ZKSCAN7: variants seen among roughly 807,000 people sequenced by gnomAD.
ZKSCAN7 encodes the protein zinc finger protein with KRAB and SCAN domains 7.
ZKSCAN7 carries 38 observed loss-of-function variants against 65.3 expected under a neutral mutation model. The observed-to-expected ratio is 0.58, with a 90% CI of 0.45 to 0.76. The LOEUF (loss-of-function observed/expected upper bound fraction) is 0.76, where lower values mean the gene tolerates loss of function less well. ZKSCAN7 is among the 30% of genes least tolerant of loss of function. The pLI, the probability that ZKSCAN7 is intolerant of heterozygous loss-of-function variation, is 0.00. For missense variants in ZKSCAN7, 815 were observed against 913.3 expected (o/e 0.89, Z 1.39); for synonymous variants, 321 against 321.0 (o/e 1.00, Z 0.00).
At chr3:44,580,284 C>T in intron 5 of ZKSCAN7, 9 of 1,613,994 alleles carry the variant, frequency 5.6e-6, no homozygotes, top group Non-Finnish European at 7.6e-6. Flanking sequence ...GCGGTCGCTA[C>T]TCATGGCGCT....
rs1402419703 is a variant in ZKSCAN7, at chr3:44,570,603, AT to A, written c.1494del (p.Asn498LysfsTer121). The A allele has an allele frequency of 6.2e-7, 1 of 1,614,122 alleles. No individual in the cohort carries two copies. Among genetic ancestry groups the A allele is most frequent in the Non-Finnish European group, 8.5e-7 (1 of 1,180,016 alleles). On this transcript the variant is annotated frameshift_variant, in exon 6 of 6. Transcript: ENST00000426540. LOFTEE classifies it high-confidence loss of function. ...ACTGGGGAGAAACCTTATGAATGCA[AT>A]GAGTGTGGAGAGGCATTCATTCGAA... is the stretch of plus-strand genomic sequence containing the variant. ...THTGEKPYEC[N>X]ECGEAFIRSK...
At chr3:44,557,977 T>A (rs1018939112) in intron 2 of ZKSCAN7, among the ~76,000 whole-genome samples, 11 of 152,202 alleles carry the variant, frequency 7.2e-5, no homozygotes, top group Non-Finnish European at 1.5e-4. Context: ...TCTTTAATTC[T>A]AATTTAAGTT....
rs781430778 is a variant in ZKSCAN7 at position 44,568,308 on chromosome 3, A to T, written c.686A>T (p.Asp229Val). 2 of 1,612,306 alleles carry T rather than the reference A, an allele frequency of 1.2e-6. No individual in the cohort carries two copies. Among genetic ancestry groups the T allele is most frequent in the Non-Finnish European group, 1.7e-6 (2 of 1,179,288 alleles). The change falls in exon 5 of 6, where the codon GAT becomes GTT. Residue 229 changes from aspartate (D) to valine (V), a missense_variant and splice_region_variant. Around this residue, in one of 3 missense-constraint regions of ZKSCAN7, gnomAD observed 578 missense variants for 629.5 expected, o/e 0.92. Coordinates refer to ENST00000426540, the MANE Select transcript of ZKSCAN7 (RefSeq NM_001288590.2). ...AGCGATTGGAGCTTGTCATTCCAGG[A>T]TACTGTGGCATATGAGGACCTATCT... ...ATVLRMVRPQ[D>V]TVAYEDLSVD...
chr3:44,575,211 G>A (rs548515318), downstream of ZKSCAN7, among the ~76,000 whole-genome samples: 1 of 152,200 alleles, frequency 6.6e-6, no homozygotes, highest in Non-Finnish European at 1.5e-5. Context: ...CAGGAGGATT[G>A]CCCGAGCCTG....
chr3:44,560,644 G>A (rs1699447207), intron 2 of ZKSCAN7, among the ~76,000 whole-genome samples: 1 of 151,724 alleles, frequency 6.6e-6, no homozygotes, highest in African/African-American at 2.4e-5. Context: ...GAGTAGCTGG[G>A]ACTACAGGTG....
intron 5 of ZKSCAN7, chr3:44,580,980 A>G (rs1700064524): frequency 1.2e-6 from 2 of 1,611,578 alleles, no homozygotes; most frequent in Non-Finnish European, 8.5e-7. Flanking sequence ...CTTGTTGAAG[A>G]TGTTGGCCTG....
At position 44,558,853 on chromosome 3, in the gene ZKSCAN7, C is replaced by T. The variant is rs1699379974; in HGVS notation, c.423+1383C>T. 2.2e-5 allele frequency among the ~76,000 whole-genome samples: 3 copies of T among 137,352 alleles called. No individual in the cohort carries two copies. In the South Asian group the frequency reaches 7.2e-4, roughly 33 times the overall value. 90.1% of individuals were successfully genotyped at this position (137,352 alleles called of 152,430 possible). A position where few individuals can be genotyped will look rare whatever the true frequency, so the allele number is the denominator to read the frequency against. On this transcript the variant is annotated intron_variant, in intron 2 of 5. Coordinates refer to ENST00000426540, the MANE Select transcript of ZKSCAN7 (RefSeq NM_001288590.2). ...AGAATGCAGTGGCATGAACATGGCT[C>T]ACTGCAAGCTCAGCCTCCTGGCTCA...
chr3:44,581,706 G>T (rs1367956422), intron 5 of ZKSCAN7, among the ~76,000 whole-genome samples: 1 of 152,172 alleles, frequency 6.6e-6, no homozygotes, highest in Non-Finnish European at 1.5e-5. Flanking sequence ...GACAGTTTAG[G>T]TGGTGGTCAG....
chr3:44,572,345 T>A (rs960925407), downstream of ZKSCAN7, among the ~76,000 whole-genome samples: 264 of 91,356 alleles, frequency 2.9e-3, 2 homozygotes, highest in Non-Finnish European at 3.7e-3. Flanking sequence ...GCGAATGGAT[T>A]TTGTGTGTGT....
In ZKSCAN7 at chr3:44,571,812, C is replaced by G. The variant is rs1398543530; in HGVS notation, c.*437C>G. ...TGGCCCTCCCCATCTACTCTTTAAA[C>G]TTTAATCTATAACTTTTCATCAGTT... On this transcript the variant is annotated 3_prime_UTR_variant, in exon 6 of 6. Coordinates refer to ENST00000426540, the MANE Select transcript of ZKSCAN7 (RefSeq NM_001288590.2). 3.0e-6 allele frequency: 3 copies of G among 996,480 alleles called. No homozygotes were observed. Among genetic ancestry groups the G allele is most frequent in the African/African-American group, 1.7e-5 (1 of 57,430 alleles). The allele number at this position is 996,480 out of a possible 1,614,324, so 61.7% of individuals were successfully genotyped here. A position where few individuals can be genotyped will look rare whatever the true frequency, so the allele number is the denominator to read the frequency against.
At chr3:44,579,434 C>T (rs967625949) in intron 5 of ZKSCAN7, among the ~76,000 whole-genome samples, 1 of 152,222 alleles carries the variant, frequency 6.6e-6, no homozygotes, top group Non-Finnish European at 1.5e-5. Context: ...CTCTCGCCTC[C>T]GCTCCCACGT....
chr3:44,580,909 T>A, intron 5 of ZKSCAN7: 1 of 1,613,420 alleles, frequency 6.2e-7, no homozygotes, highest in Non-Finnish European at 8.5e-7. Flanking sequence ...TTTGCCTGCG[T>A]CAGGTCCTCG....
At chr3:44,557,546 C>T (rs1303395534) in intron 2 of ZKSCAN7, 76 bp downstream of exon 2, 4 of 1,589,430 alleles carry the variant, frequency 2.5e-6, no homozygotes, top group Non-Finnish European at 3.4e-6. Flanking sequence ...GCATTCTCCA[C>T]TTCCCAGGCC....
Position 44,579,962 on chromosome 3 carries a change from T to C in ZKSCAN7, c.812-3010T>C, listed in dbSNP as rs184114232. On this transcript the variant is annotated intron_variant, in intron 5 of 5. Transcript: ENST00000341840. ...TGGAGACGGGGGAAGCCGAGGCGTC[T>C]GGGAGAGGAGCTTGGGGGGGGGCTT... The C allele has an allele frequency of 1.8e-5, 24 of 1,361,386 alleles. No homozygotes were observed. In the African/African-American group the frequency reaches 2.3e-4, roughly 13 times the overall value. 84.3% of individuals were successfully genotyped at this position (1,361,386 alleles called of 1,614,324 possible).
At chr3:44,575,821 G>A (rs978368668), downstream of ZKSCAN7, among the ~76,000 whole-genome samples, 11 of 152,006 alleles carry the variant, frequency 7.2e-5, no homozygotes, top group Admixed American at 1.3e-4. Flanking sequence ...CAGGTGATCC[G>A]CCCGCCTCGG....
intron 4 of ZKSCAN7, 56 bp from the exon 5 acceptor site, chr3:44,568,251 T>C (rs1314010579): frequency 6.3e-7 from 1 of 1,590,660 alleles, no homozygotes; most frequent in East Asian, 2.2e-5. Flanking sequence ...GTACCCCTGA[T>C]GACTCTGCCC....
downstream of ZKSCAN7, among the ~76,000 whole-genome samples, chr3:44,573,583 G>A (rs1214164170): frequency 2.0e-5 from 3 of 152,156 alleles, no homozygotes; most frequent in African/African-American, 7.2e-5. Context: ...TATTTAGTAT[G>A]TGTTTCCATT....
intron 5 of ZKSCAN7, chr3:44,582,839 G>T: frequency 2.9e-6 from 1 of 341,142 alleles, no homozygotes; most frequent in Non-Finnish European, 5.9e-6. Flanking sequence ...CCACCCAAAT[G>T]AAAGAGTAGG....
intron 2 of ZKSCAN7, among the ~76,000 whole-genome samples, chr3:44,560,838 AGG>A (rs1027092219): frequency 8.5e-5 from 13 of 152,252 alleles, no homozygotes; most frequent in African/African-American, 2.4e-4. Flanking sequence ...ATCTCCTGCC[AGG>A]GTTACAAAAC....
Sources: gnomAD v4.1 joint callset for allele counts (sites outside exome capture counted in the v4.1 genomes callset) on GRCh38, gnomAD v4.1.1 for gene constraint, gnomAD v4.1.1 regional missense constraint, MANE v1.5 for transcripts, NCBI Gene and HGNC (gene_info 2026-07-23, HGNC 2026-07-21) for gene names.